RPS6KC1: variants seen among roughly 807,000 people sequenced by gnomAD.
RPS6KC1 encodes the protein inactive ribosomal protein S6 kinase delta-1.
Under a neutral mutation model 103.8 loss-of-function variants are expected in RPS6KC1, and 54 were observed. The ratio of observed to expected loss-of-function variants is 0.52; its 90% CI spans 0.42 to 0.65. RPS6KC1 has a LOEUF of 0.65. RPS6KC1 is among the 30% of genes least tolerant of loss of function. The probability of loss-of-function intolerance (pLI) is 0.00; values close to 1 mark genes in which losing one functional copy is unlikely to be tolerated. For missense variants in RPS6KC1, 1,151 were observed against 1,253.8 expected (o/e 0.92, Z 1.24); for synonymous variants, 439 against 438.7 (o/e 1.00, Z -0.01).
chr1:213,298,719 T>C, the RPS6KC1 span, among the ~76,000 whole-genome samples: 2 of 152,196 alleles, frequency 1.3e-5, no homozygotes, highest in Non-Finnish European at 2.9e-5. Context: ...TCTTTTCTTT[T>C]ATTTGAATAT....
intron 3 of RPS6KC1, among the ~76,000 whole-genome samples, chr1:213,078,612 G>T (rs1337805179): frequency 6.6e-6 from 1 of 152,108 alleles, no homozygotes; most frequent in Non-Finnish European, 1.5e-5. Flanking sequence ...ATGTTGGCCA[G>T]GCTGGTCTCA....
chr1:213,122,428 T>C (rs527933434), intron 5 of RPS6KC1, among the ~76,000 whole-genome samples: 1 of 152,306 alleles, frequency 6.6e-6, no homozygotes, highest in African/African-American at 2.4e-5. Context: ...TATTTTCATT[T>C]AATAGATTTA....
the RPS6KC1 span, among the ~76,000 whole-genome samples, chr1:213,295,280 G>T: frequency 6.6e-6 from 1 of 152,292 alleles, no homozygotes; most frequent in East Asian, 1.9e-4. Flanking sequence ...GTACCCCTCA[G>T]GCGTAAGACC....
chr1:213,826,221 T>A, the RPS6KC1 span, among the ~76,000 whole-genome samples: 1 of 152,234 alleles, frequency 6.6e-6, no homozygotes, highest in Non-Finnish European at 1.5e-5. Context: ...AGAATTTTTT[T>A]AAGTTTAAGA....
At chr1:213,102,295 C>G (rs577791904) in intron 3 of RPS6KC1, among the ~76,000 whole-genome samples, 2 of 152,202 alleles carry the variant, frequency 1.3e-5, no homozygotes, top group African/African-American at 4.8e-5. Flanking sequence ...GCTATGTTGC[C>G]CAGGCTGAGT....
the RPS6KC1 span, among the ~76,000 whole-genome samples, chr1:213,348,561 G>A: frequency 6.6e-5 from 10 of 152,052 alleles, no homozygotes; most frequent in Admixed American, 5.2e-4. Context: ...AAAAAACGTG[G>A]GACTTAGCAT....
At chr1:213,827,100 T>C in the RPS6KC1 span, among the ~76,000 whole-genome samples, 1 of 152,180 alleles carries the variant, frequency 6.6e-6, no homozygotes, top group Non-Finnish European at 1.5e-5. Context: ...GCCTTTTGCA[T>C]ATGTGTGACT....
intron 12 of RPS6KC1, among the ~76,000 whole-genome samples, chr1:213,256,913 T>C (rs1377577306): frequency 2.0e-5 from 3 of 152,230 alleles, no homozygotes; most frequent in African/African-American, 7.2e-5. Flanking sequence ...TGTACTTGAC[T>C]GTAGAGGTGA....
the RPS6KC1 span, among the ~76,000 whole-genome samples, chr1:213,728,941 T>G: frequency 1.5e-4 from 15 of 97,120 alleles, no homozygotes; most frequent in East Asian, 3.1e-3. Flanking sequence ...ATGAGGGTTT[T>G]TTTTTTGTTT....
At chr1:213,129,218 G>A (rs2085321632) in intron 5 of RPS6KC1, among the ~76,000 whole-genome samples, 1 of 152,174 alleles carries the variant, frequency 6.6e-6, no homozygotes, top group African/African-American at 2.4e-5. Context: ...ATGTGTACAG[G>A]CAACAGCTTT....
intron 6 of RPS6KC1, among the ~76,000 whole-genome samples, chr1:213,167,489 C>CACACACACA (rs141541042): frequency 1.6e-5 from 2 of 126,130 alleles, no homozygotes; most frequent in Admixed American, 7.6e-5. Context: ...CACACACACA[C>CACACACACA]AACAGCTGTT....
chr1:213,392,755 G>A, the RPS6KC1 span, among the ~76,000 whole-genome samples: 1 of 152,216 alleles, frequency 6.6e-6, no homozygotes, highest in South Asian at 2.1e-4. Context: ...CCCACAAACT[G>A]ACATTATCTT....
chr1:213,366,710 A>G, the RPS6KC1 span, among the ~76,000 whole-genome samples: 1 of 152,246 alleles, frequency 6.6e-6, no homozygotes, highest in African/African-American at 2.4e-5. Context: ...TCCACCTGGC[A>G]TCTGGGTCTA....
At chr1:213,702,854 T>TTTTG in the RPS6KC1 span, among the ~76,000 whole-genome samples, 3 of 150,138 alleles carry the variant, frequency 2.0e-5, no homozygotes, top group African/African-American at 7.4e-5. Context: ...AGGTTTTTTT[T>TTTTG]GTTTGTTTGT....
At chr1:213,152,371 CG>C (rs926410119) in intron 6 of RPS6KC1, among the ~76,000 whole-genome samples, 8 of 142,568 alleles carry the variant, frequency 5.6e-5, no homozygotes, top group Admixed American at 2.2e-4. Context: ...GCTGATGGGG[CG>C]GGGGGCTGAC....
the RPS6KC1 span, among the ~76,000 whole-genome samples, chr1:213,732,606 G>T: frequency 6.6e-6 from 1 of 152,238 alleles, no homozygotes; most frequent in African/African-American, 2.4e-5. Context: ...TCTGGCAAAA[G>T]ATTGCCTCCT....
the RPS6KC1 span, among the ~76,000 whole-genome samples, chr1:213,622,038 T>C: frequency 6.6e-6 from 1 of 151,992 alleles, no homozygotes; most frequent in African/African-American, 2.4e-5. Context: ...GTTCCCCAAC[T>C]CTCTCACCTC....
chr1:213,542,856 A>T, the RPS6KC1 span, among the ~76,000 whole-genome samples: 1 of 152,240 alleles, frequency 6.6e-6, no homozygotes, highest in Non-Finnish European at 1.5e-5. Context: ...TAAATCCCAC[A>T]GGTAATTCAC....
At chr1:213,673,952 G>C in the RPS6KC1 span, among the ~76,000 whole-genome samples, 1 of 152,078 alleles carries the variant, frequency 6.6e-6, no homozygotes, top group Non-Finnish European at 1.5e-5. Flanking sequence ...AGGGAGCATA[G>C]TACCCAGTAG....
Sources: allele counts gnomAD v4.1 joint callset (sites outside exome capture counted in the v4.1 genomes callset), GRCh38; gene constraint gnomAD v4.1.1; transcripts MANE v1.5; gene names NCBI Gene and HGNC (gene_info 2026-07-23, HGNC 2026-07-21).